Variants in UNC5D observed in about 807,000 individuals in gnomAD.
UNC5D encodes the protein netrin receptor UNC5D.
In UNC5D, 39 loss-of-function variants were observed where a neutral mutation model predicts 105.4. The observed-to-expected ratio is 0.37, with a 90% CI of 0.29 to 0.48. The LOEUF is 0.48. Ranked by LOEUF, UNC5D falls within the 20% of genes least tolerant of loss-of-function variation. The pLI is 0.98. For synonymous variants in UNC5D, 452 were observed against 450.4 expected, an observed-to-expected ratio of 1.00 and a Z score of -0.04; for missense variants, 991 against 1,202.4, an observed-to-expected ratio of 0.82 and a Z score of 2.60.
At chr8:35,426,002 T>C (rs1475241808) in intron 1 of UNC5D, among the ~76,000 whole-genome samples, 1 of 152,148 alleles carries the variant, frequency 6.6e-6, no homozygotes, top group Non-Finnish European at 1.5e-5. Flanking sequence ...TGTAACGCCA[T>C]GAACGACAGA....
At chr8:35,282,649 C>A (rs1356915118) in intron 1 of UNC5D, among the ~76,000 whole-genome samples, 34 of 138,706 alleles carry the variant, frequency 2.5e-4, no homozygotes, top group Non-Finnish European at 1.5e-5. Context: ...TTCCCGTGTT[C>A]TTTAAAATGT....
chr8:35,771,675 A>G (rs1802017771), intron 15 of UNC5D, among the ~76,000 whole-genome samples: 1 of 152,226 alleles, frequency 6.6e-6, no homozygotes, highest in South Asian at 2.1e-4. Context: ...TACTCGGTCA[A>G]TGCCTACCTA....
At chr8:35,620,540 C>G (rs1755098951) in intron 4 of UNC5D, among the ~76,000 whole-genome samples, 1 of 152,128 alleles carries the variant, frequency 6.6e-6, no homozygotes, top group African/African-American at 2.4e-5. Flanking sequence ...TCCGATTACC[C>G]TTTGCATCTG....
chr8:35,772,017 T>TA (rs1802031557), intron 15 of UNC5D, among the ~76,000 whole-genome samples: 4 of 151,440 alleles, frequency 2.6e-5, no homozygotes, highest in African/African-American at 9.8e-5. Flanking sequence ...CAAAGTGAGG[T>TA]CTTTCTGCTT....
chr8:35,541,544 C>A (rs958586262), intron 1 of UNC5D, among the ~76,000 whole-genome samples: 4 of 152,114 alleles, frequency 2.6e-5, no homozygotes, highest in South Asian at 2.1e-4. Context: ...ATGGCATGCC[C>A]GCTGTTGGGC....
chr8:35,721,582 C>A (rs935766612), intron 8 of UNC5D: 1 of 696,250 alleles, frequency 1.4e-6, no homozygotes, highest in Admixed American at 2.0e-5. Flanking sequence ...CTTAACAGCA[C>A]CTGGGACCAA....
At chr8:35,244,876 C>T (rs897625771) in intron 1 of UNC5D, among the ~76,000 whole-genome samples, 5 of 151,426 alleles carry the variant, frequency 3.3e-5, no homozygotes, top group South Asian at 2.1e-4. Context: ...GTTAGCTGGA[C>T]GTGGTTGTTC....
intron 7 of UNC5D, among the ~76,000 whole-genome samples, chr8:35,693,315 C>A (rs1826532357): frequency 6.6e-6 from 1 of 152,142 alleles, no homozygotes. Context: ...ATGCACGCAA[C>A]AAATTACCGT....
chr8:35,615,892 A>C (rs1820998063), intron 4 of UNC5D, among the ~76,000 whole-genome samples: 1 of 152,170 alleles, frequency 6.6e-6, no homozygotes, highest in African/African-American at 2.4e-5. Flanking sequence ...TAAACTCTTA[A>C]AGTTGAATAT....
At position 35,788,700 on chromosome 8, in the gene UNC5D, GCACA is replaced by G. The variant is rs150561818; in HGVS notation, c.2658-1641_2658-1638del. Among the ~76,000 whole-genome samples the G allele has an allele frequency of 5.3e-4, 78 of 146,708 alleles. 1 individual carries two copies. In the East Asian group the frequency reaches 0.014, roughly 26 times the overall value. ...TTGGGAAGGCAGAAAACACACACACGCACACACACACACACACACACGAAATAGA... is the reference window on the plus strand; with the variant it reads ...TTGGGAAGGCAGAAAACACACACACGCACACACACACACACACGAAATAGA... On this transcript the variant is annotated intron_variant, in intron 16 of 16. Coordinates refer to ENST00000404895, the MANE Select transcript of UNC5D (RefSeq NM_080872.4).
In UNC5D at chr8:35,556,982, A is replaced by G. The variant is rs1218276047; in HGVS notation, c.322+7472A>G. On this transcript the variant is annotated intron_variant, in intron 2 of 16. Coordinates refer to ENST00000404895, the MANE Select transcript of UNC5D (RefSeq NM_080872.4). ...ACAATATATGTCCTGACCTCAGGCC[A>G]TAAGCTACTAGCAGGAGATGATTTC... Among the ~76,000 whole-genome samples, 4 of 152,346 alleles carry G rather than the reference A, an allele frequency of 2.6e-5. No homozygotes were observed. In the South Asian group the frequency reaches 6.2e-4, roughly 24 times the overall value.
rs142403376 is a variant in UNC5D, at chr8:35,317,820, T to G, written c.103+81933T>G. ...GCTAATATTGCCTTTTATGCCATTT[T>G]CACTGTAGGACTACCTTGTGCTTAG... is the stretch of plus-strand genomic sequence containing the variant. On this transcript the variant is annotated intron_variant, in intron 1 of 16. Transcript: ENST00000404895. Among the ~76,000 whole-genome samples the G allele has an allele frequency of 7.6e-4, 67 of 87,796 alleles. No individual in the cohort carries two copies. In the East Asian group the frequency reaches 0.02, roughly 27 times the overall value. The allele number at this position is 87,796 out of a possible 152,430, so 57.6% of individuals were successfully genotyped here. A position where few individuals can be genotyped will look rare whatever the true frequency, so the allele number is the denominator to read the frequency against.
At chr8:35,457,555 T>C (rs888716655) in intron 1 of UNC5D, among the ~76,000 whole-genome samples, 6 of 152,202 alleles carry the variant, frequency 3.9e-5, no homozygotes, top group African/African-American at 1.4e-4. Flanking sequence ...TCATGAATCA[T>C]TCAAGCTGTT....
chr8:35,765,801 A>C (rs986644653), intron 14 of UNC5D, among the ~76,000 whole-genome samples: 1 of 152,180 alleles, frequency 6.6e-6, no homozygotes. Flanking sequence ...CCAAACTTCC[A>C]GACTTGATAT....
intron 3 of UNC5D, among the ~76,000 whole-genome samples, chr8:35,570,950 C>A (rs1257413587): frequency 6.6e-6 from 1 of 151,666 alleles, no homozygotes. Flanking sequence ...AAGAGCCAAA[C>A]TCCATCAAGA....
At chr8:35,710,591 AG>A (rs1827877046) in intron 8 of UNC5D, among the ~76,000 whole-genome samples, 1 of 152,190 alleles carries the variant, frequency 6.6e-6, no homozygotes, top group African/African-American at 2.4e-5. Context: ...TAAAGCCCTT[AG>A]GTTGGATGAG....
At chr8:35,777,457 A>G (rs1802302230) in intron 16 of UNC5D, among the ~76,000 whole-genome samples, 1 of 152,174 alleles carries the variant, frequency 6.6e-6, no homozygotes, top group Admixed American at 6.5e-5. Context: ...TTAACATATC[A>G]ATTTCACTGA....
intron 16 of UNC5D, among the ~76,000 whole-genome samples, chr8:35,776,605 C>T (rs1171078415): frequency 6.6e-6 from 1 of 152,170 alleles, no homozygotes; most frequent in African/African-American, 2.4e-5. Context: ...AACCTGAGTG[C>T]TCATGTGGCT....
At chr8:35,413,380 G>GA (rs921291101) in intron 1 of UNC5D, among the ~76,000 whole-genome samples, 79 of 142,248 alleles carry the variant, frequency 5.6e-4, no homozygotes, top group Non-Finnish European at 9.1e-4. Context: ...TACAGACTTT[G>GA]AAAAAAAAAA....
Sources: allele counts gnomAD v4.1 joint callset (sites outside exome capture counted in the v4.1 genomes callset), GRCh38; gene constraint gnomAD v4.1.1; transcripts MANE v1.5; gene names NCBI Gene and HGNC (gene_info 2026-07-23, HGNC 2026-07-21).